Variants in STEAP3 observed in about 807,000 individuals in gnomAD.
STEAP3 encodes the protein metalloreductase STEAP3.
A neutral mutation model predicts 34.9 loss-of-function variants in STEAP3; 35 were observed. That is an observed-to-expected ratio of 1.00 (90% CI 0.76 to 1.33). The LOEUF (loss-of-function observed/expected upper bound fraction) is 1.33. Ranked by LOEUF, STEAP3 falls within the 40% of genes most tolerant of loss-of-function variation. The pLI is 0.00. For synonymous variants in STEAP3, 281 were observed against 301.6 expected, an observed-to-expected ratio of 0.93 and a Z score of 0.71; for missense variants, 652 against 667.6, an observed-to-expected ratio of 0.98 and a Z score of 0.26.
chr2:119,226,176 G>A (rs1679034495), intron 1 of STEAP3, among the ~76,000 whole-genome samples: 1 of 152,218 alleles, frequency 6.6e-6, no homozygotes, highest in African/African-American at 2.4e-5. Flanking sequence ...TCCCTGTCCA[G>A]CTACAAATGA....
At chr2:119,248,814 C>T (rs763007904) in intron 4 of STEAP3, 2 of 152,426 alleles carry the variant, frequency 1.3e-5, no homozygotes, top group African/African-American at 2.4e-5. Flanking sequence ...AGGTGTTGAT[C>T]GGCCTGACAT....
chr2:119,257,502 A>T lies in STEAP3; in HGVS notation c.1215+2654A>T, dbSNP rs371121209. Reference sequence around the variant, plus strand: ...AGGAAACACAGGCAGTGGAACCCGAAGACCTGAATCTCAGTCCCAAGACCC... The same window carrying T: ...AGGAAACACAGGCAGTGGAACCCGATGACCTGAATCTCAGTCCCAAGACCC... On this transcript the variant is annotated intron_variant, in intron 5 of 5. Transcript: ENST00000393110. 1.7e-5 allele frequency: 26 copies of T among 1,544,500 alleles called. No homozygotes were observed. The South Asian group carries it at 1.7e-4, about 10-fold the overall frequency.
intron 4 of STEAP3, 100 bp from the exon 5 acceptor site, chr2:119,254,584 G>A: frequency 1.4e-6 from 2 of 1,386,506 alleles, no homozygotes; most frequent in East Asian, 2.3e-5. Context: ...GGTGCAGTGT[G>A]AGCGCCCGCC....
intron 2 of STEAP3, among the ~76,000 whole-genome samples, chr2:119,233,722 T>A (rs1677010510): frequency 6.6e-6 from 1 of 152,162 alleles, no homozygotes; most frequent in African/African-American, 2.4e-5. Flanking sequence ...AATGTTAATG[T>A]GACAAAAAGT....
chr2:119,229,186 A>G (rs1288297041), intron 1 of STEAP3, among the ~76,000 whole-genome samples: 1 of 152,186 alleles, frequency 6.6e-6, no homozygotes, highest in East Asian at 1.9e-4. Context: ...GTGTCCACCT[A>G]GGCTGGAGTA....
Position 119,245,727 on chromosome 2 carries a change from A to G in STEAP3, c.261A>G (p.Gln87=), listed in dbSNP as rs1310031473. 1.2e-6 allele frequency: 2 copies of G among 1,614,200 alleles called. No homozygotes were observed. Among genetic ancestry groups the G allele is most frequent in the Middle Eastern group, 3.3e-4 (2 of 6,062 alleles). Residue 87 remains glutamine (Q), a synonymous_variant, in exon 3 of 6, where the codon CAA becomes CAG. Transcript: ENST00000393110. ...CCTCAGCGGCCCAAGTGACTTTCCA[A>G]GAGGAGGCAGTGAGCTCCCCGGAGG... ...LFPSAAQVTF[Q]EEAVSSPEVI... is the part of the protein sequence containing the mutation.
At chr2:119,259,599 C>T (rs1677881154) in intron 5 of STEAP3, among the ~76,000 whole-genome samples, 1 of 152,220 alleles carries the variant, frequency 6.6e-6, no homozygotes, top group Non-Finnish European at 1.5e-5. Context: ...GGCCTGGGAG[C>T]AGCGTCTCCA....
chr2:119,224,083 G>A (rs1317699233), intron 1 of STEAP3, among the ~76,000 whole-genome samples, 195 bp downstream of exon 1: 2 of 152,204 alleles, frequency 1.3e-5, no homozygotes, highest in African/African-American at 2.4e-5. Flanking sequence ...CCCCCACCCC[G>A]TGTGCCTTCC....
At chr2:119,226,559 A>T (rs1342421032) in intron 1 of STEAP3, among the ~76,000 whole-genome samples, 1 of 152,080 alleles carries the variant, frequency 6.6e-6, no homozygotes, top group African/African-American at 2.4e-5. Context: ...AGATTACAGA[A>T]CTTGGAGAGG....
rs558850005 is a variant in STEAP3, at chr2:119,231,601, G to T, written c.22+567G>T. ...CTTTTATTTTGCACAGTTGTGTGAC[G>T]GTAAACTCTTTTCCATCAGACGAAA... On this transcript the variant is annotated intron_variant, in intron 2 of 5. Transcript: ENST00000393110. Among the ~76,000 whole-genome samples, 7 of 152,144 alleles carry T rather than the reference G, an allele frequency of 4.6e-5. No homozygotes were observed. In the East Asian group the frequency reaches 1.3e-3, roughly 29 times the overall value.
chr2:119,247,587 C>T (rs920089778), intron 3 of STEAP3, 92 bp from the exon 4 acceptor site: 4 of 1,396,518 alleles, frequency 2.9e-6, no homozygotes, highest in South Asian at 1.5e-5. Context: ...GTCCCTGCCC[C>T]TCTGGCCCTC....
intron 4 of STEAP3, among the ~76,000 whole-genome samples, chr2:119,252,241 A>G (rs1392345870): frequency 2.0e-5 from 3 of 152,262 alleles, no homozygotes; most frequent in Non-Finnish European, 4.4e-5. Flanking sequence ...TTAGTCCTGC[A>G]GTAACACAGC....
chr2:119,257,736 TA>T, intron 5 of STEAP3: 6 of 1,384,464 alleles, frequency 4.3e-6, no homozygotes, highest in Non-Finnish European at 4.7e-6. Context: ...AGTGAGAAGT[TA>T]CCTGAGCCCC....
intron 4 of STEAP3, among the ~76,000 whole-genome samples, chr2:119,254,259 G>A (rs1048618614): frequency 6.6e-6 from 1 of 152,108 alleles, no homozygotes; most frequent in African/African-American, 2.4e-5. Context: ...GGAAAACCGT[G>A]AGACGGAGCC....
chr2:119,250,409 C>T (rs12990907), intron 4 of STEAP3, among the ~76,000 whole-genome samples: 6,395 of 152,296 alleles, frequency 0.042, 182 homozygotes, highest in South Asian at 0.094. Context: ...GTCCTCGAGG[C>T]CCTGATGTGT....
intron 5 of STEAP3, among the ~76,000 whole-genome samples, chr2:119,259,808 A>G (rs931659984): frequency 9.2e-5 from 14 of 152,214 alleles, no homozygotes. Context: ...CTCCTGGGAA[A>G]GCCCACGACA....
At chr2:119,258,290 C>T (rs921433528) in intron 5 of STEAP3, among the ~76,000 whole-genome samples, 3 of 152,114 alleles carry the variant, frequency 2.0e-5, no homozygotes, top group Non-Finnish European at 2.9e-5. Flanking sequence ...TGGCTGGCTT[C>T]TTTACTGCAA....
intron 4 of STEAP3, among the ~76,000 whole-genome samples, chr2:119,249,534 C>G (rs536076959): frequency 6.6e-6 from 1 of 152,182 alleles, no homozygotes; most frequent in South Asian, 2.1e-4. Context: ...TCATCCACCC[C>G]TCATTCCAGC....
chr2:119,254,368 C>T (rs1451982791), intron 4 of STEAP3, among the ~76,000 whole-genome samples: 2 of 152,066 alleles, frequency 1.3e-5, no homozygotes, highest in African/African-American at 4.8e-5. Context: ...CCAGGAGCCC[C>T]GGTCATTGGC....
Sources: allele counts gnomAD v4.1 joint callset (sites outside exome capture counted in the v4.1 genomes callset), GRCh38; gene constraint gnomAD v4.1.1; transcripts MANE v1.5; gene names NCBI Gene and HGNC (gene_info 2026-07-23, HGNC 2026-07-21).